Variants in HMG20A observed in about 807,000 individuals in gnomAD.
HMG20A encodes high mobility group protein 20A.
In HMG20A, 17 loss-of-function variants were observed where a neutral mutation model predicts 43.9. The observed-to-expected ratio is 0.39, with a 90% CI of 0.27 to 0.58. HMG20A has a LOEUF of 0.58. Among genes scored for constraint, HMG20A ranks in the 20% least tolerant of loss-of-function variants. The pLI, the probability that HMG20A is intolerant of heterozygous loss-of-function variation, is 0.59. For missense variants in HMG20A, 341 were observed against 438.2 expected, an observed-to-expected ratio of 0.78 and a Z score of 1.98; for synonymous variants, 132 against 147.5, an observed-to-expected ratio of 0.89 and a Z score of 0.76.
chr15:77,462,798 A>T (rs1595925049), intron 2 of HMG20A, among the ~76,000 whole-genome samples: 1 of 108,448 alleles, frequency 9.2e-6, no homozygotes, highest in Middle Eastern at 8.2e-3. Flanking sequence ...TTTGAGACTG[A>T]GTCTTACTCT....
chr15:77,464,367 G>T lies in HMG20A; in HGVS notation c.217G>T (p.Glu73Ter). ...SESSNAAEGNEQRHEDEQRSK... is the reference protein window; with the variant it reads ...SESSNAAEGN ...GTCTTCAAATGCAGCAGAAGGCAAT[G>T]AACAGAGGCATGAAGATGAGGTAAG... Residue 73 changes from glutamate (E) to a stop codon, truncating the protein, a stop_gained, in exon 3 of 10, where the codon GAA becomes TAA. Transcript: ENST00000336216. LOFTEE classifies it high-confidence loss of function. 1.2e-6 allele frequency: 2 copies of T among 1,613,666 alleles called. No homozygotes were observed. Among genetic ancestry groups the T allele is most frequent in the South Asian group, 2.2e-5 (2 of 91,012 alleles).
intron 8 of HMG20A, 28 bp from the exon 9 acceptor site, chr15:77,479,147 GATTT>G (rs1288590314): frequency 1.2e-6 from 2 of 1,609,176 alleles, no homozygotes; most frequent in Non-Finnish European, 8.5e-7. Context: ...GAATAGGGAG[GATTT>G]TCTTACTTTC....
chr15:77,499,905 C>A, the HMG20A span, among the ~76,000 whole-genome samples: 1 of 151,862 alleles, frequency 6.6e-6, no homozygotes, highest in Non-Finnish European at 1.5e-5. Context: ...TCCTGGCTCA[C>A]TGCAACCTCC....
At position 77,485,333 on chromosome 15, in the gene HMG20A, G is replaced by T. The variant is rs1011086450; in HGVS notation, c.*2370G>T. The T allele has an allele frequency of 6.6e-6, 1 of 152,598 alleles. No homozygotes were observed. Among genetic ancestry groups the T allele is most frequent in the Non-Finnish European group, 1.5e-5 (1 of 68,020 alleles). The allele number at this position is 152,598 out of a possible 1,614,324, so 9.5% of individuals were successfully genotyped here. On this transcript the variant is annotated 3_prime_UTR_variant, in exon 10 of 10. Transcript: ENST00000336216. Reference sequence around the variant, plus strand: ...CCTGTAGATATTACTGTACTTTTATGTTCTCAAGAAATAAGTTGTTGCCTA... The same window carrying T: ...CCTGTAGATATTACTGTACTTTTATTTTCTCAAGAAATAAGTTGTTGCCTA...
intron 1 of HMG20A, among the ~76,000 whole-genome samples, chr15:77,435,385 G>T (rs1329802277): frequency 6.6e-6 from 1 of 152,188 alleles, no homozygotes; most frequent in Non-Finnish European, 1.5e-5. Flanking sequence ...CTGGGCTCAA[G>T]CAGTTCTTCT....
intron 2 of HMG20A, among the ~76,000 whole-genome samples, chr15:77,460,171 A>G (rs770032072): frequency 6.6e-6 from 1 of 152,200 alleles, no homozygotes; most frequent in Non-Finnish European, 1.5e-5. Context: ...GACTTTCACA[A>G]GAGTGTTTTT....
At chr15:77,509,179 G>A in the HMG20A span, among the ~76,000 whole-genome samples, 1 of 152,138 alleles carries the variant, frequency 6.6e-6, no homozygotes, top group South Asian at 2.1e-4. Flanking sequence ...TGCCAGGACA[G>A]CTGGGAGTCA....
the HMG20A span, among the ~76,000 whole-genome samples, chr15:77,490,916 C>T: frequency 1.3e-5 from 2 of 152,328 alleles, no homozygotes; most frequent in Middle Eastern, 6.8e-3. Flanking sequence ...AAGTTCAGGT[C>T]AGTGTTTGCT....
chr15:77,518,546 G>A, the HMG20A span, among the ~76,000 whole-genome samples: 3 of 152,100 alleles, frequency 2.0e-5, no homozygotes, highest in African/African-American at 7.2e-5. Flanking sequence ...AACCATCTGT[G>A]CCCCTCCAGA....
chr15:77,428,818 GC>G (rs1239945359), intron 1 of HMG20A, among the ~76,000 whole-genome samples: 6 of 151,974 alleles, frequency 3.9e-5, no homozygotes, highest in African/African-American at 1.5e-4. Context: ...ATAAAAAATA[GC>G]CAGACATGGT....
chr15:77,502,493 C>A, the HMG20A span, among the ~76,000 whole-genome samples: 2 of 152,206 alleles, frequency 1.3e-5, no homozygotes, highest in African/African-American at 4.8e-5. Flanking sequence ...TTCTCCAAAT[C>A]CCTCTGCTAA....
the HMG20A span, among the ~76,000 whole-genome samples, chr15:77,497,676 AGAGAGAGTGT>A: frequency 3.3e-4 from 43 of 129,038 alleles, no homozygotes; most frequent in East Asian, 5.5e-3. Flanking sequence ...AGAGAGAGAG[AGAGAGAGTGT>A]GTGTGTGTGT....
chr15:77,517,438 G>A, the HMG20A span, among the ~76,000 whole-genome samples: 2 of 152,046 alleles, frequency 1.3e-5, no homozygotes, highest in Non-Finnish European at 2.9e-5. Flanking sequence ...GTGACCTGGA[G>A]ATAGTGATGA....
chr15:77,458,369 G>T (rs774181340), intron 1 of HMG20A, 35 bp from the exon 2 acceptor site: 1 of 1,347,252 alleles, frequency 7.4e-7, no homozygotes, highest in Non-Finnish European at 1.1e-6. Context: ...AAGTAATTAA[G>T]CCATTAATTT....
chr15:77,499,751 C>T, the HMG20A span, among the ~76,000 whole-genome samples: 1 of 152,180 alleles, frequency 6.6e-6, no homozygotes, highest in Non-Finnish European at 1.5e-5. Context: ...TCTTAACTCC[C>T]CTCCACCAGT....
chr15:77,469,683 T>G (rs928798668), intron 4 of HMG20A, among the ~76,000 whole-genome samples: 2 of 151,680 alleles, frequency 1.3e-5, no homozygotes, highest in Non-Finnish European at 2.9e-5. Flanking sequence ...TTGTTTGTTT[T>G]TTGAGATGGA....
chr15:77,457,384 C>T (rs1025694093), intron 1 of HMG20A, among the ~76,000 whole-genome samples: 64 of 152,146 alleles, frequency 4.2e-4, no homozygotes, highest in African/African-American at 1.5e-3. Flanking sequence ...TCTCAATTCT[C>T]CCAATTGATT....
At chr15:77,480,569 A>T (rs1041011071) in intron 9 of HMG20A, among the ~76,000 whole-genome samples, 3 of 151,314 alleles carry the variant, frequency 2.0e-5, no homozygotes, top group African/African-American at 7.3e-5. Context: ...CTAGGGTCAC[A>T]CTAGTGTATT....
intron 3 of HMG20A, chr15:77,464,705 C>T (rs1346289283): frequency 1.4e-5 from 3 of 217,156 alleles, no homozygotes; most frequent in Non-Finnish European, 2.8e-5. Flanking sequence ...TGCCCTTGCT[C>T]AAGGCTCTGC....
Sources: allele counts gnomAD v4.1 joint callset (sites outside exome capture counted in the v4.1 genomes callset), GRCh38; gene constraint gnomAD v4.1.1; transcripts MANE v1.5; gene names NCBI Gene and HGNC (gene_info 2026-07-23, HGNC 2026-07-21).